The following ULK4 variants were observed in gnomAD, a reference collection of about 807,000 sequenced individuals.
ULK4 encodes the protein unc-51 like kinase 4.
ULK4 carries 133 observed loss-of-function variants against 160.6 expected under a neutral mutation model. That is an observed-to-expected ratio of 0.83 (90% CI 0.72 to 0.96). The LOEUF is 0.96. Among genes scored for constraint, ULK4 ranks in the 40% least tolerant of loss-of-function variants. The pLI is 0.00. For synonymous variants in ULK4, 534 were observed against 539.8 expected (o/e 0.99, Z 0.15); for missense variants, 1,580 against 1,499.5 (o/e 1.05, Z -0.89).
At chr3:41,383,697 C>A (rs922031726) in intron 35 of ULK4, among the ~76,000 whole-genome samples, 6 of 152,172 alleles carry the variant, frequency 3.9e-5, no homozygotes, top group African/African-American at 1.4e-4. Flanking sequence ...AGTAAACTTT[C>A]TTTTGTGTTT....
intron 30 of ULK4, among the ~76,000 whole-genome samples, chr3:41,618,919 G>A (rs2033110385): frequency 6.6e-6 from 1 of 151,674 alleles, no homozygotes; most frequent in African/African-American, 2.4e-5. Flanking sequence ...AAAATAAAGG[G>A]ATGGAGGAAT....
At chr3:41,280,353 T>C (rs998042967) in intron 35 of ULK4, among the ~76,000 whole-genome samples, 12 of 152,164 alleles carry the variant, frequency 7.9e-5, no homozygotes, top group African/African-American at 2.9e-4. Flanking sequence ...AAACAGAATA[T>C]ACATTCTTCT....
In ULK4 at chr3:41,931,474, A is replaced by T. The variant is rs73069285; in HGVS notation, c.541+370T>A. Among the ~76,000 whole-genome samples the T allele has an allele frequency of 6.4e-3, 193 of 29,928 alleles. 1 individual carries two copies. Among genetic ancestry groups the T allele is most frequent in the Middle Eastern group, 0.028 (1 of 36 alleles). The allele number at this position is 29,928 out of a possible 152,430, so 19.6% of individuals were successfully genotyped here. ...CTGCACATGTACCCTAGAACTTAAA[A>T]AAAAAAAAAAAAAAGAAAGAAATAT... On this transcript the variant is annotated intron_variant, in intron 5 of 36. Transcript: ENST00000301831.
At chr3:41,707,556 G>A (rs1353516263) in intron 25 of ULK4, among the ~76,000 whole-genome samples, 1 of 152,162 alleles carries the variant, frequency 6.6e-6, no homozygotes, top group Admixed American at 6.5e-5. Flanking sequence ...GTCAGGCCAG[G>A]TGAAGTGGCT....
intron 21 of ULK4, among the ~76,000 whole-genome samples, chr3:41,760,084 T>C (rs2038936831): frequency 6.6e-6 from 1 of 151,950 alleles, no homozygotes; most frequent in African/African-American, 2.4e-5. Flanking sequence ...TAAAGAACTC[T>C]CAAAACTCAA....
In ULK4 at chr3:41,935,851, G is replaced by T; in HGVS notation, c.328C>A (p.His110Asn). ...AGAATGCCAAGTTTATGAAGATGAT[G>T]TAATCCACTAATCAGGTCAATTCCA... Reference protein sequence around the residue: ...EFGIDLISGLHHLHKLGILFC... With the variant: ...EFGIDLISGLNHLHKLGILFC... The change falls in exon 4 of 37, where the codon CAT becomes AAT. Residue 110 changes from histidine to asparagine, a missense_variant. Physicochemically the swap from His to Asn is moderately conservative, Grantham distance 68. Coordinates refer to ENST00000301831, the MANE Select transcript of ULK4 (RefSeq NM_017886.4). The T allele has an allele frequency of 6.2e-7, 1 of 1,613,766 alleles. No individual in the cohort carries two copies. The highest frequency in any genetic ancestry group is 8.5e-7 in the Non-Finnish European group (1 of 1,179,906).
At chr3:41,657,760 G>A (rs772887675) in intron 30 of ULK4, among the ~76,000 whole-genome samples, 1 of 143,758 alleles carries the variant, frequency 7.0e-6, no homozygotes, top group African/African-American at 2.7e-5. Flanking sequence ...AGGTTACAGT[G>A]AGCTGAGATC....
intron 34 of ULK4, among the ~76,000 whole-genome samples, chr3:41,430,080 A>ATTCTTT (rs1444904447): frequency 1.3e-5 from 2 of 152,216 alleles, no homozygotes; most frequent in Non-Finnish European, 1.5e-5. Context: ...AATATATACT[A>ATTCTTT]AATGAAAACA....
chr3:41,608,888 T>C (rs1193481849), intron 31 of ULK4, among the ~76,000 whole-genome samples: 1 of 152,244 alleles, frequency 6.6e-6, no homozygotes, highest in Non-Finnish European at 1.5e-5. Context: ...TAAAAGCTTC[T>C]AATCTTGGGA....
chr3:41,430,814 A>G (rs2082886614), intron 34 of ULK4, among the ~76,000 whole-genome samples: 1 of 152,218 alleles, frequency 6.6e-6, no homozygotes, highest in Admixed American at 6.5e-5. Context: ...TATCCACACT[A>G]TTAAATATCC....
At position 41,506,771 on chromosome 3, in the gene ULK4, T is replaced by TATATATAA. The variant is rs1559658115; in HGVS notation, c.3227-43519_3227-43518insTTATATAT. Reference sequence around the variant, plus strand: ...ATACACTGGAGTGTGATTTAAAATATATATATATATATATATATATATATA... The same window carrying TATATATAA: ...ATACACTGGAGTGTGATTTAAAATATATATATAAATATATATATATATATATATATATA... On this transcript the variant is annotated intron_variant, in intron 32 of 36. Transcript: ENST00000301831. Among the ~76,000 whole-genome samples the TATATATAA allele has an allele frequency of 5.6e-3, 148 of 26,326 alleles. 10 individuals carry two copies. Among genetic ancestry groups the TATATATAA allele is most frequent in the South Asian group, 0.02 (13 of 652 alleles). 17.3% of individuals were successfully genotyped at this position (26,326 alleles called of 152,430 possible).
intron 5 of ULK4, among the ~76,000 whole-genome samples, chr3:41,924,083 A>G (rs536119924): frequency 6.6e-6 from 1 of 152,268 alleles, no homozygotes; most frequent in East Asian, 1.9e-4. Context: ...GCTCTTTTCG[A>G]TATTATTTTT....
Position 41,954,340 on chromosome 3 carries a change from A to C in ULK4, c.138+282T>G, listed in dbSNP as rs1196613241. 8.2e-5 allele frequency among the ~76,000 whole-genome samples: 11 copies of C among 133,388 alleles called. No individual in the cohort carries two copies. The Admixed American group carries it at 9.0e-4, about 11-fold the overall frequency. The allele number at this position is 133,388 out of a possible 152,430, so 87.5% of individuals were successfully genotyped here. ...ACTCCAGTCTGGGCAACAGAGAGAGACCCTGTTTCTAAGGGAAAGAAAAAA... is the reference window on the plus strand; with the variant it reads ...ACTCCAGTCTGGGCAACAGAGAGAGCCCCTGTTTCTAAGGGAAAGAAAAAA... On this transcript the variant is annotated intron_variant, in intron 2 of 36. Coordinates refer to ENST00000301831, the MANE Select transcript of ULK4 (RefSeq NM_017886.4).
chr3:41,407,809 T>G (rs940155758), intron 34 of ULK4, among the ~76,000 whole-genome samples: 2 of 152,116 alleles, frequency 1.3e-5, no homozygotes, highest in Admixed American at 1.3e-4. Context: ...CAAAGAAAGA[T>G]GTCCACTCTT....
intron 32 of ULK4, among the ~76,000 whole-genome samples, chr3:41,489,201 G>T (rs900628915): frequency 1.2e-4 from 18 of 152,022 alleles, no homozygotes; most frequent in Admixed American, 8.5e-4. Context: ...TGACGACATA[G>T]GCATGTTTTC....
chr3:41,758,012 G>A (rs1049383540), intron 21 of ULK4, among the ~76,000 whole-genome samples: 10 of 152,280 alleles, frequency 6.6e-5, no homozygotes, highest in South Asian at 2.1e-4. Flanking sequence ...ATGTAATAGC[G>A]TTAAGAGGTG....
At chr3:41,660,552 T>C (rs2035116416) in intron 30 of ULK4, among the ~76,000 whole-genome samples, 1 of 152,304 alleles carries the variant, frequency 6.6e-6, no homozygotes, top group African/African-American at 2.4e-5. Flanking sequence ...TAAAACAAAT[T>C]CAAAAGTCTA....
At chr3:41,537,488 G>C (rs1026851571) in intron 32 of ULK4, among the ~76,000 whole-genome samples, 1 of 152,056 alleles carries the variant, frequency 6.6e-6, no homozygotes, top group African/African-American at 2.4e-5. Context: ...CCTGTAATGA[G>C]TCCTAAAAAG....
At chr3:41,306,524 G>T (rs1575416840) in intron 35 of ULK4, among the ~76,000 whole-genome samples, 1 of 150,358 alleles carries the variant, frequency 6.7e-6, no homozygotes, top group Admixed American at 6.6e-5. Flanking sequence ...GAGGGAGGTG[G>T]GGGGGTCAGC....
Sources: gnomAD v4.1 joint callset for allele counts (sites outside exome capture counted in the v4.1 genomes callset) on GRCh38, gnomAD v4.1.1 for gene constraint, MANE v1.5 for transcripts, NCBI Gene and HGNC (gene_info 2026-07-23, HGNC 2026-07-21) for gene names.